ZNF500: variants seen among roughly 807,000 people sequenced by gnomAD.
ZNF500 encodes zinc finger protein 500, also known as zinc finger protein with KRAB and SCAN domains 18.
ZNF500 carries 31 observed loss-of-function variants against 30.1 expected under a neutral mutation model. That is an observed-to-expected ratio of 1.03 (90% CI 0.77 to 1.39). The LOEUF is 1.39. Among genes scored for constraint, ZNF500 ranks in the 40% most tolerant of loss-of-function variants. ZNF500 has a pLI of 0.00. For synonymous variants in ZNF500, 392 were observed against 282.0 expected (o/e 1.39, Z -3.91); for missense variants, 817 against 657.8 (o/e 1.24, Z -2.65).
Position 4,752,567 on chromosome 16 carries a change from A to T in ZNF500, c.1252T>A (p.Phe418Ile). 6.3e-7 allele frequency: 1 copy of T among 1,576,530 alleles called. No homozygotes were observed. Among genetic ancestry groups the T allele is most frequent in the Non-Finnish European group, 8.6e-7 (1 of 1,163,540 alleles). The part of the protein sequence containing the change: ...PYACTQCGKR[F>I]NNSSHFSAHR... ...GCGCTGAAGTGCGAGCTGTTGTTGAAGCGCTTCCCGCACTGGGTGCAGGCA... is the reference window on the plus strand; with the variant it reads ...GCGCTGAAGTGCGAGCTGTTGTTGATGCGCTTCCCGCACTGGGTGCAGGCA... Residue 418 changes from phenylalanine to isoleucine, a missense_variant, in exon 6 of 6, where the codon TTC becomes ATC. Phe to Ile is a conservative substitution (Grantham distance 21). Transcript: ENST00000219478.
intron 5 of ZNF500, chr16:4,758,436 C>G (rs1437504953): frequency 6.6e-6 from 1 of 152,186 alleles, no homozygotes; most frequent in Non-Finnish European, 1.5e-5. Flanking sequence ...AATTCTTTCC[C>G]TTTTGACTTC....
downstream of ZNF500, chr16:4,747,434 G>A (rs750333138): frequency 2.2e-5 from 35 of 1,613,066 alleles, no homozygotes; most frequent in South Asian, 2.2e-4. Flanking sequence ...CAAGGGGCCC[G>A]CGGGTGGGAG....
downstream of ZNF500, among the ~76,000 whole-genome samples, chr16:4,745,931 C>T (rs537943185): frequency 1.5e-5 from 2 of 136,062 alleles, no homozygotes; most frequent in Admixed American, 8.2e-5. Context: ...CCAGCCTGGG[C>T]GACAGAGCAA....
chr16:4,765,184 C>G (rs1351676661), intron 2 of ZNF500, among the ~76,000 whole-genome samples: 1 of 152,010 alleles, frequency 6.6e-6, no homozygotes, highest in Non-Finnish European at 1.5e-5. Context: ...GCCTGTAGTC[C>G]CAGCTACTCA....
chr16:4,752,205 T>C lies in ZNF500; in HGVS notation c.*171A>G. The C allele has an allele frequency of 1.4e-6, 2 of 1,420,022 alleles. No individual in the cohort carries two copies. Among genetic ancestry groups the C allele is most frequent in the Non-Finnish European group, 1.8e-6 (2 of 1,093,112 alleles). 88.0% of individuals were successfully genotyped at this position (1,420,022 alleles called of 1,614,324 possible). On this transcript the variant is annotated 3_prime_UTR_variant, in exon 6 of 6. Coordinates refer to ENST00000219478, the MANE Select transcript of ZNF500 (RefSeq NM_021646.4). ...GTCCTTGCCCTTGTTCTGCACCCAG[T>C]GCCCAGCTTCCTCTGCGGCCTGGGC...
intron 5 of ZNF500, among the ~76,000 whole-genome samples, chr16:4,753,655 A>G (rs996548872): frequency 1.3e-5 from 2 of 152,208 alleles, no homozygotes; most frequent in Non-Finnish European, 2.9e-5. Flanking sequence ...ACTCTGCTGT[A>G]TCCTCTAAGC....
chr16:4,762,426 G>A, intron 3 of ZNF500, 91 bp from the exon 4 acceptor site: 1 of 1,521,858 alleles, frequency 6.6e-7, no homozygotes, highest in Non-Finnish European at 8.9e-7. Context: ...CAGCCCGGCG[G>A]CTGCCCACCC....
Position 4,752,094 on chromosome 16 carries a change from G to A in ZNF500, c.*282C>T. Reference sequence around the variant, plus strand: ...CAGCCCCACGAACACCTTGAGTGTCGGCTTCTGGCCTCCTGAGTGTGTCTC... The same window carrying A: ...CAGCCCCACGAACACCTTGAGTGTCAGCTTCTGGCCTCCTGAGTGTGTCTC... On this transcript the variant is annotated 3_prime_UTR_variant, in exon 6 of 6. Transcript: ENST00000219478. The A allele has an allele frequency of 6.8e-6, 9 of 1,320,772 alleles. No homozygotes were observed. In the Admixed American group the frequency reaches 1.1e-4, roughly 16 times the overall value. The allele number at this position is 1,320,772 out of a possible 1,614,324, so 81.8% of individuals were successfully genotyped here.
intron 5 of ZNF500, among the ~76,000 whole-genome samples, chr16:4,757,237 T>C (rs920217800): frequency 1.3e-5 from 2 of 152,176 alleles, no homozygotes; most frequent in African/African-American, 4.8e-5. Flanking sequence ...GTTTCCACAG[T>C]GTGGAAGGGG....
chr16:4,762,183 G>C, intron 4 of ZNF500, 88 bp downstream of exon 4: 1 of 1,456,286 alleles, frequency 6.9e-7, no homozygotes, highest in Non-Finnish European at 9.5e-7. Context: ...TTGGCCCCCA[G>C]GAGAGGTGTC....
downstream of ZNF500, chr16:4,744,872 C>T (rs2075469): frequency 0.64 from 1,025,679 of 1,609,712 alleles, 329,683 homozygotes; most frequent in East Asian, 0.69. Flanking sequence ...ATCCTCAGAC[C>T]GCATGGTGCC....
At position 4,765,556 on chromosome 16, in the gene ZNF500, C is replaced by T. The variant is rs759941405; in HGVS notation, c.414+9G>A. 31 of 1,572,688 alleles carry T rather than the reference C, an allele frequency of 2.0e-5. No individual in the cohort carries two copies. The East Asian group carries it at 2.7e-4, about 14-fold the overall frequency. On this transcript the variant is annotated intron_variant, in intron 2 of 5. Coordinates refer to ENST00000219478, the MANE Select transcript of ZNF500 (RefSeq NM_021646.4). ...TTCCTCACCTGAGGGTCAAAATGCC[C>T]CCACTCACCCGCTGCCTGTGTTTCC...
rs199910948 is a variant in ZNF500, at chr16:4,752,858, C to A, written c.961G>T (p.Ala321Ser). The change falls in exon 6 of 6, where the codon GCT becomes TCT. Residue 321 changes from alanine to serine, a missense_variant. Coordinates refer to ENST00000219478, the MANE Select transcript of ZNF500 (RefSeq NM_021646.4). ...TCGGGGCAGGTGTACGGCTTGTCAGCCCCATGGGAAGCCCGTCTTCCTGGT... is the reference window on the plus strand; with the variant it reads ...TCGGGGCAGGTGTACGGCTTGTCAGACCCATGGGAAGCCCGTCTTCCTGGT... Reference protein sequence around the residue: ...PPPGRRASHGADKPYTCPECG... With the variant: ...PPPGRRASHGSDKPYTCPECG... 4.3e-6 allele frequency: 7 copies of A among 1,614,146 alleles called. No individual in the cohort carries two copies. Among genetic ancestry groups the A allele is most frequent in the Admixed American group, 3.3e-5 (2 of 60,032 alleles).
chr16:4,752,050 T>A lies in ZNF500; in HGVS notation c.*326A>T. 1 of 1,290,438 alleles carries A rather than the reference T, an allele frequency of 7.7e-7. No homozygotes were observed. The highest frequency in any genetic ancestry group is 9.8e-7 in the Non-Finnish European group (1 of 1,018,774). 79.9% of individuals were successfully genotyped at this position (1,290,438 alleles called of 1,614,324 possible). On this transcript the variant is annotated 3_prime_UTR_variant, in exon 6 of 6. Coordinates refer to ENST00000219478, the MANE Select transcript of ZNF500 (RefSeq NM_021646.4). ...GATGCTGGAGGCAGCTGATGGACCCTCCCAGGCCCTTCAGGAGCCAGCCCC... is the reference window on the plus strand; with the variant it reads ...GATGCTGGAGGCAGCTGATGGACCCACCCAGGCCCTTCAGGAGCCAGCCCC...
downstream of ZNF500, among the ~76,000 whole-genome samples, chr16:4,745,198 G>A (rs540134192): frequency 6.6e-6 from 1 of 152,324 alleles, no homozygotes; most frequent in South Asian, 2.1e-4. Context: ...GCTCAGAGAG[G>A]TTGACTCTCT....
At chr16:4,760,148 C>T (rs139598934) in intron 5 of ZNF500, among the ~76,000 whole-genome samples, 67 of 152,316 alleles carry the variant, frequency 4.4e-4, no homozygotes, top group Non-Finnish European at 7.8e-4. Context: ...GGGTAACAGG[C>T]AGGGCAGTGC....
chr16:4,764,915 C>A (rs1396498851), intron 2 of ZNF500, among the ~76,000 whole-genome samples: 1 of 152,232 alleles, frequency 6.6e-6, no homozygotes, highest in East Asian at 1.9e-4. Flanking sequence ...AAAGTGCCCC[C>A]CATGCCCCTG....
In ZNF500 at chr16:4,752,006, T is replaced by C. The variant is rs1202333166; in HGVS notation, c.*370A>G. 8.9e-7 allele frequency: 1 copy of C among 1,121,356 alleles called. No individual in the cohort carries two copies. Among genetic ancestry groups the C allele is most frequent in the Non-Finnish European group, 1.1e-6 (1 of 875,660 alleles). 69.5% of individuals were successfully genotyped at this position (1,121,356 alleles called of 1,614,324 possible). On this transcript the variant is annotated 3_prime_UTR_variant, in exon 6 of 6. Coordinates refer to ENST00000219478, the MANE Select transcript of ZNF500 (RefSeq NM_021646.4). ...AGGGGTTGGGACGTGGGGATGAGGC[T>C]GTATGCCAGCAGCCACTGGATGCTG...
chr16:4,755,072 C>G (rs923180803), intron 5 of ZNF500, among the ~76,000 whole-genome samples: 1 of 152,236 alleles, frequency 6.6e-6, no homozygotes, highest in African/African-American at 2.4e-5. Context: ...TCCCCAAAAG[C>G]TGAGCAGACA....
Sources: gnomAD v4.1 joint callset for allele counts (sites outside exome capture counted in the v4.1 genomes callset) on GRCh38, gnomAD v4.1.1 for gene constraint, MANE v1.5 for transcripts, NCBI Gene and HGNC (gene_info 2026-07-23, HGNC 2026-07-21) for gene names.